The following SLC14A2 variants were observed in gnomAD, a reference collection of about 807,000 sequenced individuals.
SLC14A2 encodes the protein urea transporter 2.
Under a neutral mutation model 104.6 loss-of-function variants are expected in SLC14A2, and 91 were observed. The ratio of observed to expected loss-of-function variants is 0.87; its 90% confidence interval spans 0.73 to 1.04. The LOEUF (loss-of-function observed/expected upper bound fraction) is 1.04, where lower values mean the gene tolerates loss of function less well. SLC14A2 is among the 50% of genes least tolerant of loss of function. The probability of loss-of-function intolerance (pLI) is 0.00; values close to 1 mark genes in which losing one functional copy is unlikely to be tolerated. For missense variants in SLC14A2, 1,189 were observed against 1,156.0 expected (o/e 1.03, Z -0.41); for synonymous variants, 476 against 466.4 (o/e 1.02, Z -0.27).
chr18:45,171,433 G>A, the SLC14A2 span, among the ~76,000 whole-genome samples: 2 of 152,146 alleles, frequency 1.3e-5, no homozygotes, highest in South Asian at 4.1e-4. Context: ...CTAGAATTAA[G>A]AGCTTATCTT....
intron 1 of SLC14A2, among the ~76,000 whole-genome samples, chr18:45,292,776 A>T (rs1259643733): frequency 6.6e-6 from 1 of 152,210 alleles, no homozygotes; most frequent in African/African-American, 2.4e-5. Context: ...GGGATTCATT[A>T]GTTACTTTTG....
At chr18:45,512,716 A>G (rs2043383272) in intron 2 of SLC14A2, among the ~76,000 whole-genome samples, 1 of 152,098 alleles carries the variant, frequency 6.6e-6, no homozygotes, top group South Asian at 2.1e-4. Context: ...TCCCCGGGAG[A>G]GTCTGGTGAG....
At chr18:45,457,196 C>T (rs1228922466) in intron 1 of SLC14A2, among the ~76,000 whole-genome samples, 1 of 152,128 alleles carries the variant, frequency 6.6e-6, no homozygotes, top group Non-Finnish European at 1.5e-5. Context: ...GTCTCAGATT[C>T]AGCTACCAAA....
At chr18:45,387,879 G>A (rs2085915341) in intron 1 of SLC14A2, among the ~76,000 whole-genome samples, 1 of 152,094 alleles carries the variant, frequency 6.6e-6, no homozygotes, top group Non-Finnish European at 1.5e-5. Flanking sequence ...AGCCGGTATA[G>A]GCTTTGTCCA....
At chr18:45,169,360 C>T in the SLC14A2 span, among the ~76,000 whole-genome samples, 1 of 152,284 alleles carries the variant, frequency 6.6e-6, no homozygotes, top group East Asian at 1.9e-4. Flanking sequence ...AGACCTGAGG[C>T]TACTGCATGT....
intron 1 of SLC14A2, among the ~76,000 whole-genome samples, chr18:45,281,705 C>A (rs942477175): frequency 1.3e-5 from 2 of 152,136 alleles, no homozygotes; most frequent in African/African-American, 4.8e-5. Flanking sequence ...AGAACAAGGC[C>A]ACTTAATGGC....
chr18:45,494,326 C>G (rs994352736), intron 2 of SLC14A2, among the ~76,000 whole-genome samples: 1 of 152,214 alleles, frequency 6.6e-6, no homozygotes, highest in Admixed American at 6.5e-5. Flanking sequence ...TCATCATCAA[C>G]CCTGACAAGA....
intron 2 of SLC14A2, among the ~76,000 whole-genome samples, chr18:45,535,753 C>G (rs555715682): frequency 1.3e-5 from 2 of 152,152 alleles, no homozygotes; most frequent in African/African-American, 4.8e-5. Flanking sequence ...TCTGCCTGAG[C>G]CTCAGTTTCC....
At chr18:45,661,994 G>T (rs568435762) in intron 10 of SLC14A2, among the ~76,000 whole-genome samples, 1 of 152,322 alleles carries the variant, frequency 6.6e-6, no homozygotes, top group South Asian at 2.1e-4. Flanking sequence ...GATCAGGTGT[G>T]TAAACTTTCA....
At chr18:45,347,213 G>A (rs1297617194) in intron 1 of SLC14A2, among the ~76,000 whole-genome samples, 2 of 151,152 alleles carry the variant, frequency 1.3e-5, no homozygotes, top group Non-Finnish European at 3.0e-5. Flanking sequence ...AAAATTAGCT[G>A]GGCATGGTGG....
chr18:45,604,153 C>T (rs930431353), intron 2 of SLC14A2, among the ~76,000 whole-genome samples: 5 of 152,064 alleles, frequency 3.3e-5, no homozygotes, highest in Non-Finnish European at 7.4e-5. Context: ...TTTGTCAATC[C>T]CCGTGGTTTA....
chr18:45,329,634 A>G (rs2085270091), intron 1 of SLC14A2, among the ~76,000 whole-genome samples: 1 of 152,144 alleles, frequency 6.6e-6, no homozygotes, highest in Admixed American at 6.6e-5. Context: ...TTGTTATCCA[A>G]TTGTTTAAAA....
chr18:45,476,429 A>G (rs967177605), intron 1 of SLC14A2, among the ~76,000 whole-genome samples: 3 of 152,076 alleles, frequency 2.0e-5, no homozygotes. Context: ...CCTTAATTTC[A>G]ACCTTGGTGA....
chr18:45,554,410 C>T (rs16978404), intron 2 of SLC14A2, among the ~76,000 whole-genome samples: 13,746 of 152,160 alleles, frequency 0.09, 705 homozygotes, highest in East Asian at 0.19. Context: ...GTCCATAATT[C>T]TTCTGGGGAA....
chr18:45,350,459 T>C (rs908024468), intron 1 of SLC14A2, among the ~76,000 whole-genome samples: 1 of 152,210 alleles, frequency 6.6e-6, no homozygotes, highest in Admixed American at 6.5e-5. Flanking sequence ...TTCAGTCTCC[T>C]GATGGCAGGA....
intron 10 of SLC14A2, among the ~76,000 whole-genome samples, chr18:45,661,779 T>G (rs2045939670): frequency 6.6e-6 from 1 of 152,142 alleles, no homozygotes; most frequent in Admixed American, 6.5e-5. Flanking sequence ...CCCCACTTGG[T>G]CAGGTGATGC....
intron 6 of SLC14A2, among the ~76,000 whole-genome samples, chr18:45,637,392 T>C (rs2045437737): frequency 6.6e-6 from 1 of 152,184 alleles, no homozygotes. Flanking sequence ...CTGGACACTT[T>C]TTCAGATACT....
intron 1 of SLC14A2, among the ~76,000 whole-genome samples, chr18:45,415,435 C>G (rs1040967486): frequency 1.3e-5 from 2 of 152,126 alleles, no homozygotes; most frequent in Non-Finnish European, 2.9e-5. Flanking sequence ...TGTAATCGAG[C>G]CATCTTCACT....
At chr18:45,250,755 C>CTTTTGTTTTTTTTTTTTTTTT (rs2084413793) in intron 1 of SLC14A2, among the ~76,000 whole-genome samples, 1 of 93,894 alleles carries the variant, frequency 1.1e-5, no homozygotes, top group Non-Finnish European at 2.1e-5. Flanking sequence ...TGGCTTCTTC[C>CTTTTGTTTTTTTTTTTTTTTT]TTTTTTTTTT....
Sources: gnomAD v4.1 joint callset for allele counts (sites outside exome capture counted in the v4.1 genomes callset) on GRCh38, gnomAD v4.1.1 for gene constraint, MANE v1.5 for transcripts, NCBI Gene and HGNC (gene_info 2026-07-23, HGNC 2026-07-21) for gene names.